The following VGLL3 variants were observed in gnomAD, a reference collection of about 807,000 sequenced individuals.
VGLL3 encodes the protein transcription cofactor vestigial-like protein 3.
Under a neutral mutation model 29.2 loss-of-function variants are expected in VGLL3, and 18 were observed. The observed-to-expected ratio is 0.62, with a 90% confidence interval of 0.43 to 0.91. The LOEUF (loss-of-function observed/expected upper bound fraction) is 0.91. Ranked by LOEUF, VGLL3 falls within the 40% of genes least tolerant of loss-of-function variation. VGLL3 has a pLI of 0.00. For missense variants in VGLL3, 440 were observed against 413.2 expected, an observed-to-expected ratio of 1.06 and a Z score of -0.56; for synonymous variants, 180 against 151.8, an observed-to-expected ratio of 1.19 and a Z score of -1.36.
intron 2 of VGLL3, among the ~76,000 whole-genome samples, chr3:86,972,756 T>G (rs1023606866): frequency 2.0e-5 from 3 of 152,184 alleles, no homozygotes; most frequent in Non-Finnish European, 1.5e-5. Flanking sequence ...CAATATTACC[T>G]GGTATACAGG....
At chr3:86,955,258 T>A (rs1409469187) in intron 3 of VGLL3, among the ~76,000 whole-genome samples, 1 of 152,182 alleles carries the variant, frequency 6.6e-6, no homozygotes, top group East Asian at 1.9e-4. Context: ...CTATTTGATA[T>A]AAGTAATCAA....
rs1482736558 is a variant in VGLL3 at position 86,946,762 on chromosome 3, A to T, written c.*262T>A. ...AACAAAAACTTAGCTATATATTGAT[A>T]AAAGCAAGATAACAAAAGGAGAGAG... is the stretch of plus-strand genomic sequence containing the variant. On this transcript the variant is annotated 3_prime_UTR_variant, in exon 4 of 4. Coordinates refer to ENST00000398399, the MANE Select transcript of VGLL3 (RefSeq NM_016206.4). 1 of 364,804 alleles carries T rather than the reference A, an allele frequency of 2.7e-6. No homozygotes were observed. Among genetic ancestry groups the T allele is most frequent in the Non-Finnish European group, 4.9e-6 (1 of 203,300 alleles). The allele number at this position is 364,804 out of a possible 1,614,324, so 22.6% of individuals were successfully genotyped here.
intron 2 of VGLL3, 77 bp from the exon 3 acceptor site, chr3:86,969,200 C>G (rs1021124586): frequency 2.1e-6 from 3 of 1,452,138 alleles, no homozygotes; most frequent in Admixed American, 2.3e-5. Flanking sequence ...ATTGTCCACT[C>G]TAATTGTCCA....
chr3:86,967,587 C>T lies in VGLL3; in HGVS notation c.937+1003G>A, dbSNP rs150504457. 2.7e-3 allele frequency among the ~76,000 whole-genome samples: 406 copies of T among 152,244 alleles called. 1 individual carries two copies. Among genetic ancestry groups the T allele is most frequent in the Non-Finnish European group, 4.1e-3 (278 of 68,024 alleles). On this transcript the variant is annotated intron_variant, in intron 3 of 3. Transcript: ENST00000398399. ...GGGAATTATTTGTTGTGAACCAGCA[C>T]ATGATTAAGGGTTCTCCACACTACA...
chr3:86,963,089 CTG>C, intron 3 of VGLL3: 1 of 183,126 alleles, frequency 5.5e-6, no homozygotes, highest in South Asian at 7.4e-5. Context: ...GAGTGAAACT[CTG>C]TCTCAAAACA....
chr3:86,945,793 G>A lies in VGLL3; in HGVS notation c.*1231C>T. 1 of 151,930 alleles carries A rather than the reference G, an allele frequency of 6.6e-6. No homozygotes were observed. Among genetic ancestry groups the A allele is most frequent in the East Asian group, 1.9e-4 (1 of 5,180 alleles). The allele number at this position is 151,930 out of a possible 1,614,324, so 9.4% of individuals were successfully genotyped here. On this transcript the variant is annotated 3_prime_UTR_variant, in exon 4 of 4. Transcript: ENST00000398399. Reference sequence around the variant, plus strand: ...CTAAAAAGGAATTAAATCAAGTAAAGCCAGATTTAAACAAACAAAAAAAGA... The same window carrying A: ...CTAAAAAGGAATTAAATCAAGTAAAACCAGATTTAAACAAACAAAAAAAGA...
At chr3:86,972,321 T>A (rs1705118421) in intron 2 of VGLL3, among the ~76,000 whole-genome samples, 1 of 152,176 alleles carries the variant, frequency 6.6e-6, no homozygotes, top group Non-Finnish European at 1.5e-5. Context: ...GAACTTAATA[T>A]TTTCCCAGTC....
chr3:86,989,554 A>T (rs1705534406), intron 1 of VGLL3, among the ~76,000 whole-genome samples: 1 of 152,248 alleles, frequency 6.6e-6, no homozygotes, highest in African/African-American at 2.4e-5. Flanking sequence ...AGATTAATTA[A>T]CAGCCCAAAC....
chr3:86,978,719 C>CTCCTCCTCATCCTCCTCCTCT lies in VGLL3; in HGVS notation c.189_209dup (p.Asp67_Glu73dup). On this transcript the variant is annotated inframe_insertion, in exon 2 of 4. Transcript: ENST00000398399. ...CAGGCTGGTCTTTCTCCTCCTCCTC[C>CTCCTCCTCATCCTCCTCCTCT]TCCTCCTCATCCTCCTCCTCTTGTT... The CTCCTCCTCATCCTCCTCCTCT allele has an allele frequency of 6.2e-7, 1 of 1,614,068 alleles. No homozygotes were observed.
chr3:86,985,448 C>A (rs937870502), intron 1 of VGLL3, among the ~76,000 whole-genome samples: 32 of 152,186 alleles, frequency 2.1e-4, no homozygotes, highest in African/African-American at 7.2e-4. Context: ...AGTCATTCTT[C>A]TTTTCTTCTT....
rs779797473 is a variant in VGLL3, at chr3:86,968,632, GA to G, written c.894del (p.His299MetfsTer4). The G allele has an allele frequency of 1.2e-6, 2 of 1,614,180 alleles. No homozygotes were observed. The highest frequency in any genetic ancestry group is 3.3e-5 in the Admixed American group (2 of 60,028). On this transcript the variant is annotated frameshift_variant, in exon 3 of 4. Coordinates refer to ENST00000398399, the MANE Select transcript of VGLL3 (RefSeq NM_016206.4). LOFTEE classifies it high-confidence loss of function. Reference sequence around the variant, plus strand: ...CTGGGCACTATGTCTACTGTTCCATGAAAGGCTCCAGCCCATGCTGAGGTAG... The same window carrying G: ...CTGGGCACTATGTCTACTGTTCCATGAAGGCTCCAGCCCATGCTGAGGTAG... ...TSATSAWAGAFHGTVDIVPSV... is the reference protein window; with the variant it reads ...TSATSAWAGAXHGTVDIVPSV...
At chr3:86,947,442 G>T (rs1042464695) in intron 3 of VGLL3, among the ~76,000 whole-genome samples, 11 of 152,160 alleles carry the variant, frequency 7.2e-5, no homozygotes, top group Non-Finnish European at 1.5e-4. Context: ...GAGCATTTAT[G>T]CAGTGCTTCA....
intron 3 of VGLL3, among the ~76,000 whole-genome samples, chr3:86,954,594 T>TA (rs1226509985): frequency 2.0e-5 from 3 of 152,220 alleles, no homozygotes; most frequent in African/African-American, 4.8e-5. Context: ...TGGACATATA[T>TA]AAAAAACATG....
chr3:86,946,775 C>G lies in VGLL3; in HGVS notation c.*249G>C, dbSNP rs545067983. ...CTATATATTGATAAAAGCAAGATAA[C>G]AAAAGGAGAGAGTTGCACAGTTGGC... is the stretch of plus-strand genomic sequence containing the variant. On this transcript the variant is annotated 3_prime_UTR_variant, in exon 4 of 4. Coordinates refer to ENST00000398399, the MANE Select transcript of VGLL3 (RefSeq NM_016206.4). 1.7e-4 allele frequency: 65 copies of G among 385,286 alleles called. No homozygotes were observed. The highest frequency in any genetic ancestry group is 2.4e-4 in the Non-Finnish European group (51 of 215,994). The allele number at this position is 385,286 out of a possible 1,614,324, so 23.9% of individuals were successfully genotyped here.
intron 3 of VGLL3, among the ~76,000 whole-genome samples, chr3:86,958,370 G>A (rs1704768294): frequency 6.6e-6 from 1 of 152,040 alleles, no homozygotes; most frequent in South Asian, 2.1e-4. Context: ...ATGAGAAATG[G>A]CAGTTTCTCT....
chr3:86,946,887 C>T lies in VGLL3; in HGVS notation c.*137G>A. The stretch of plus-strand genomic sequence containing the variant: ...TTGCTTTCTCAAGAAAGGCCGAAAA[C>T]CAGTCAACTGCGTGACACTTTGTCT... On this transcript the variant is annotated 3_prime_UTR_variant, in exon 4 of 4. Coordinates refer to ENST00000398399, the MANE Select transcript of VGLL3 (RefSeq NM_016206.4). 1 of 638,374 alleles carries T rather than the reference C, an allele frequency of 1.6e-6. No homozygotes were observed. Among genetic ancestry groups the T allele is most frequent in the East Asian group, 2.7e-5 (1 of 37,178 alleles). 39.5% of individuals were successfully genotyped at this position (638,374 alleles called of 1,614,324 possible).
intron 1 of VGLL3, among the ~76,000 whole-genome samples, chr3:86,982,916 T>C (rs1446534854): frequency 6.6e-6 from 1 of 152,202 alleles, no homozygotes; most frequent in Admixed American, 6.5e-5. Context: ...AAGTTAAAGC[T>C]AACTCACAAA....
At position 86,939,958 on chromosome 3, in the gene VGLL3, A is replaced by C. The variant is rs1704359406; in HGVS notation, c.*7066T>G. ...TGACTGACAGAGCTGTAAGATAATAAATTTGTGTTGTTTTAGGCCGTTATC... is the reference window on the plus strand; with the variant it reads ...TGACTGACAGAGCTGTAAGATAATACATTTGTGTTGTTTTAGGCCGTTATC... On this transcript the variant is annotated 3_prime_UTR_variant, in exon 4 of 4. Transcript: ENST00000398399. The C allele has an allele frequency of 6.6e-6, 1 of 152,108 alleles. No homozygotes were observed. Among genetic ancestry groups the C allele is most frequent in the African/African-American group, 2.4e-5 (1 of 41,432 alleles). The allele number at this position is 152,108 out of a possible 1,614,324, so 9.4% of individuals were successfully genotyped here.
At chr3:86,967,135 G>A (rs1332767534) in intron 3 of VGLL3, among the ~76,000 whole-genome samples, 1 of 151,994 alleles carries the variant, frequency 6.6e-6, no homozygotes, top group Non-Finnish European at 1.5e-5. Context: ...TTCATAGAGG[G>A]AAGAACACGC....
Sources: gnomAD v4.1 joint callset for allele counts (sites outside exome capture counted in the v4.1 genomes callset) on GRCh38, gnomAD v4.1.1 for gene constraint, MANE v1.5 for transcripts, NCBI Gene and HGNC (gene_info 2026-07-23, HGNC 2026-07-21) for gene names.